Variants in C8orf34 observed in about 807,000 individuals in gnomAD.
C8orf34 encodes chromosome 8 open reading frame 34, also known as uncharacterized protein C8orf34.
C8orf34 carries 65 observed loss-of-function variants against 68.3 expected under a neutral mutation model. That is an observed-to-expected ratio of 0.95 (90% CI 0.78 to 1.17). The LOEUF (loss-of-function observed/expected upper bound fraction) is 1.17. Among genes scored for constraint, C8orf34 ranks in the 50% most tolerant of loss-of-function variants. The probability of loss-of-function intolerance (pLI) is 0.00; values close to 1 mark genes in which losing one functional copy is unlikely to be tolerated. For synonymous variants in C8orf34, 244 were observed against 241.2 expected (o/e 1.01, Z -0.11); for missense variants, 664 against 655.4 (o/e 1.01, Z -0.14).
chr8:68,410,116 T>C (rs1399935546), intron 1 of C8orf34, among the ~76,000 whole-genome samples: 1 of 152,150 alleles, frequency 6.6e-6, no homozygotes, highest in Non-Finnish European at 1.5e-5. Flanking sequence ...CGTGACTGCA[T>C]AGAAATATAA....
At chr8:68,676,193 G>T (rs898527687) in intron 8 of C8orf34, among the ~76,000 whole-genome samples, 1 of 152,066 alleles carries the variant, frequency 6.6e-6, no homozygotes, top group African/African-American at 2.4e-5. Context: ...AATTATCCAG[G>T]TGTGGAGGCA....
chr8:68,376,409 C>T (rs1807801870), intron 1 of C8orf34, among the ~76,000 whole-genome samples: 1 of 151,920 alleles, frequency 6.6e-6, no homozygotes, highest in Admixed American at 6.6e-5. Context: ...GAAGAATTCC[C>T]TAATATGGGG....
rs1818594403 is a variant in C8orf34 at position 68,628,262 on chromosome 8, A to G, written c.1106-12114A>G. On this transcript the variant is annotated intron_variant, in intron 7 of 13. Transcript: ENST00000518698. ...TTATTATTTATAAGCTTGATTATTT[A>G]TGAGCTTGAAGTTGTACTATTCTGA... Among the ~76,000 whole-genome samples the G allele has an allele frequency of 2.0e-5, 3 of 152,160 alleles. No individual in the cohort carries two copies. In the South Asian group the frequency reaches 6.2e-4, roughly 31 times the overall value.
At chr8:68,734,427 G>T (rs1196708865) in intron 10 of C8orf34, among the ~76,000 whole-genome samples, 1 of 152,150 alleles carries the variant, frequency 6.6e-6, no homozygotes, top group Non-Finnish European at 1.5e-5. Context: ...AGTGATCAAC[G>T]TGGGGAAATC....
chr8:68,397,800 A>G (rs1253699363), intron 1 of C8orf34, among the ~76,000 whole-genome samples: 1 of 151,998 alleles, frequency 6.6e-6, no homozygotes, highest in East Asian at 1.9e-4. Context: ...ACAAAGTCTC[A>G]CTCTGTTGCC....
intron 7 of C8orf34, among the ~76,000 whole-genome samples, chr8:68,626,760 T>G (rs1419568828): frequency 6.6e-6 from 1 of 152,122 alleles, no homozygotes; most frequent in Admixed American, 6.6e-5. Context: ...AAAATTCTAT[T>G]AAATAGGGTC....
intron 3 of C8orf34, among the ~76,000 whole-genome samples, chr8:68,465,885 G>A (rs1812103401): frequency 6.6e-6 from 1 of 151,322 alleles, no homozygotes; most frequent in Admixed American, 6.6e-5. Flanking sequence ...ACACCAACAT[G>A]GCACATGTAT....
chr8:68,459,792 C>T lies in C8orf34; in HGVS notation c.608-8900C>T, dbSNP rs139177485. 2.1e-3 allele frequency among the ~76,000 whole-genome samples: 324 copies of T among 152,196 alleles called. 1 individual carries two copies. The highest frequency in any genetic ancestry group is 7.0e-3 in the African/African-American group (292 of 41,538). On this transcript the variant is annotated intron_variant, in intron 3 of 13. Coordinates refer to ENST00000518698, the MANE Select transcript of C8orf34 (RefSeq NM_052958.4). ...TCAGCAGATAAATGGATAATAAAAA[C>T]TTGGTGCAGGGTGAGAGCCAAGATG...
chr8:68,758,879 G>A (rs1269703938), intron 10 of C8orf34, among the ~76,000 whole-genome samples: 1 of 151,968 alleles, frequency 6.6e-6, no homozygotes, highest in Non-Finnish European at 1.5e-5. Context: ...AAACTCAGCA[G>A]TAAAAGCAAT....
intron 1 of C8orf34, among the ~76,000 whole-genome samples, chr8:68,380,718 A>G (rs1351956085): frequency 6.6e-6 from 1 of 152,262 alleles, no homozygotes; most frequent in Non-Finnish European, 1.5e-5. Flanking sequence ...ACATAAGACA[A>G]TGATGAGCTC....
chr8:68,466,026 A>G (rs1812114721), intron 3 of C8orf34, among the ~76,000 whole-genome samples: 1 of 84,154 alleles, frequency 1.2e-5, no homozygotes, highest in South Asian at 5.8e-4. Context: ...ACAATGAAAT[A>G]CTATTTGGTC....
At chr8:68,714,012 A>G (rs952844842) in intron 9 of C8orf34, among the ~76,000 whole-genome samples, 10 of 152,188 alleles carry the variant, frequency 6.6e-5, no homozygotes, top group African/African-American at 2.4e-4. Context: ...AATATAGCAT[A>G]CCACGTAAAC....
At chr8:68,533,910 G>A in intron 7 of C8orf34, 2 of 889,816 alleles carry the variant, frequency 2.2e-6, no homozygotes, top group Non-Finnish European at 2.7e-6. Context: ...CAAATAAAGA[G>A]TATGATTTTC....
intron 1 of C8orf34, among the ~76,000 whole-genome samples, chr8:68,428,120 A>C (rs923326698): frequency 6.6e-6 from 1 of 151,754 alleles, no homozygotes; most frequent in African/African-American, 2.4e-5. Context: ...TAATCTCAAT[A>C]TATAATTAGA....
chr8:68,371,125 C>T (rs1807542528), intron 1 of C8orf34, among the ~76,000 whole-genome samples: 1 of 152,090 alleles, frequency 6.6e-6, no homozygotes. Context: ...AAGAGAAGCC[C>T]AAAGAAGCTT....
chr8:68,687,941 A>C (rs989100396), intron 8 of C8orf34, among the ~76,000 whole-genome samples: 1 of 151,992 alleles, frequency 6.6e-6, no homozygotes, highest in African/African-American at 2.4e-5. Flanking sequence ...AAACAAAAAA[A>C]TAATAATTCC....
intron 4 of C8orf34, among the ~76,000 whole-genome samples, chr8:68,472,027 A>C (rs1812400645): frequency 6.6e-6 from 1 of 151,858 alleles, no homozygotes; most frequent in Non-Finnish European, 1.5e-5. Context: ...TTTCTGTTTC[A>C]GTAACAACTG....
At chr8:68,614,039 A>C (rs1340911291) in intron 7 of C8orf34, among the ~76,000 whole-genome samples, 1 of 152,218 alleles carries the variant, frequency 6.6e-6, no homozygotes, top group Non-Finnish European at 1.5e-5. Context: ...TCTGATGGCC[A>C]GTGATGGTGA....
At chr8:68,818,158 A>G (rs1330659213) in intron 13 of C8orf34, 81 bp from the exon 14 acceptor site, 4 of 1,434,322 alleles carry the variant, frequency 2.8e-6, no homozygotes, top group East Asian at 2.3e-5. Context: ...AAGCATTAAA[A>G]TCACAATTTT....
Sources: allele counts gnomAD v4.1 joint callset (sites outside exome capture counted in the v4.1 genomes callset), GRCh38; gene constraint gnomAD v4.1.1; transcripts MANE v1.5; gene names NCBI Gene and HGNC (gene_info 2026-07-23, HGNC 2026-07-21).